CNTNAP5: variants seen among roughly 807,000 people sequenced by gnomAD.
CNTNAP5 encodes contactin associated protein family member 5.
Under a neutral mutation model 150.2 loss-of-function variants are expected in CNTNAP5, and 72 were observed. That is an observed-to-expected ratio of 0.48 (90% CI 0.40 to 0.58). The LOEUF is 0.58. Ranked by LOEUF, CNTNAP5 falls within the 20% of genes least tolerant of loss-of-function variation. The pLI is 0.00. For missense variants in CNTNAP5, 1,636 were observed against 1,626.2 expected (o/e 1.01, Z -0.10); for synonymous variants, 672 against 619.8 (o/e 1.08, Z -1.25).
intron 21 of CNTNAP5, among the ~76,000 whole-genome samples, chr2:124,873,696 A>G (rs1677796691): frequency 6.6e-6 from 1 of 152,118 alleles, no homozygotes; most frequent in African/African-American, 2.4e-5. Flanking sequence ...AAACAGGAAG[A>G]GATGGTATTA....
At chr2:124,247,179 C>T (rs1687051932) in intron 3 of CNTNAP5, among the ~76,000 whole-genome samples, 1 of 152,178 alleles carries the variant, frequency 6.6e-6, no homozygotes, top group Admixed American at 6.6e-5. Context: ...GGGCCTAGAA[C>T]ATCCTGAGTA....
chr2:124,173,742 T>C (rs907278055), intron 1 of CNTNAP5, among the ~76,000 whole-genome samples: 1 of 152,184 alleles, frequency 6.6e-6, no homozygotes, highest in African/African-American at 2.4e-5. Flanking sequence ...TTGCAGGGAA[T>C]TATCCAGAAG....
At chr2:124,027,889 G>C (rs1368390580) in intron 1 of CNTNAP5, among the ~76,000 whole-genome samples, 1 of 152,096 alleles carries the variant, frequency 6.6e-6, no homozygotes, top group African/African-American at 2.4e-5. Context: ...ATATATTTTG[G>C]TGTCTTCATA....
chr2:124,121,568 T>C (rs772406784), intron 1 of CNTNAP5, among the ~76,000 whole-genome samples: 7 of 152,176 alleles, frequency 4.6e-5, no homozygotes, highest in Admixed American at 2.0e-4. Flanking sequence ...TTTATCATCA[T>C]TGGGGAGAGA....
At chr2:124,874,501 ACT>A (rs1677814126) in intron 21 of CNTNAP5, among the ~76,000 whole-genome samples, 1 of 151,856 alleles carries the variant, frequency 6.6e-6, no homozygotes, top group Admixed American at 6.6e-5. Context: ...TCTGAAAGAA[ACT>A]CTGCCTTTTT....
rs1688029005 is a variant in CNTNAP5 at position 124,282,102 on chromosome 2, ACATAGGTAGAGATCC to A, written c.381+39712_381+39726del. Among the ~76,000 whole-genome samples, 7 of 151,964 alleles carry A rather than the reference ACATAGGTAGAGATCC, an allele frequency of 4.6e-5. No homozygotes were observed. The South Asian group carries it at 1.0e-3, about 23-fold the overall frequency. ...AGACTAGAGCTGCTAAAAAGTTTAG[ACATAGGTAGAGATCC>A]CAACAAGCATAGGCACCCAAAAAGG... On this transcript the variant is annotated intron_variant, in intron 3 of 23. Transcript: ENST00000682447.
intron 13 of CNTNAP5, among the ~76,000 whole-genome samples, chr2:124,674,297 T>G (rs1454159308): frequency 6.6e-6 from 1 of 152,056 alleles, no homozygotes; most frequent in Non-Finnish European, 1.5e-5. Context: ...TTTTTAAGGC[T>G]AAAGGTAAGG....
intron 3 of CNTNAP5, among the ~76,000 whole-genome samples, chr2:124,249,594 C>T (rs1218632030): frequency 2.0e-5 from 3 of 152,152 alleles, no homozygotes; most frequent in Non-Finnish European, 2.9e-5. Flanking sequence ...TGGGTTGTCC[C>T]GCCTTTATGA....
chr2:124,337,060 G>T (rs549185907), intron 3 of CNTNAP5, among the ~76,000 whole-genome samples: 62 of 152,056 alleles, frequency 4.1e-4, no homozygotes, highest in African/African-American at 9.6e-4. Flanking sequence ...TTTTAATGAT[G>T]GCCATTTTAA....
chr2:124,707,598 C>G (rs1679718570), intron 13 of CNTNAP5, among the ~76,000 whole-genome samples: 2 of 150,662 alleles, frequency 1.3e-5, no homozygotes, highest in African/African-American at 4.8e-5. Context: ...ACAAAATAAT[C>G]ACATTCCTCG....
At chr2:124,586,260 C>T (rs1403972689) in intron 11 of CNTNAP5, among the ~76,000 whole-genome samples, 1 of 152,172 alleles carries the variant, frequency 6.6e-6, no homozygotes. Flanking sequence ...ACTCAACTGG[C>T]AATTTGTACT....
chr2:124,061,448 G>A (rs1682008239), intron 1 of CNTNAP5, among the ~76,000 whole-genome samples: 1 of 152,120 alleles, frequency 6.6e-6, no homozygotes, highest in South Asian at 2.1e-4. Flanking sequence ...ATGAGAAAAG[G>A]AAAATGTGAA....
chr2:124,057,882 C>T (rs1166022017), intron 1 of CNTNAP5, among the ~76,000 whole-genome samples: 1 of 152,022 alleles, frequency 6.6e-6, no homozygotes. Flanking sequence ...CCCATTACCC[C>T]ATTCACCCTG....
chr2:124,765,474 AATT>A (rs1392439264), intron 16 of CNTNAP5, among the ~76,000 whole-genome samples: 3 of 20,936 alleles, frequency 1.4e-4, no homozygotes, highest in Non-Finnish European at 2.4e-4. Flanking sequence ...AAAAATAAAC[AATT>A]AGATTTGAGT....
At chr2:124,169,072 T>C (rs1684871664) in intron 1 of CNTNAP5, among the ~76,000 whole-genome samples, 2 of 151,528 alleles carry the variant, frequency 1.3e-5, no homozygotes, top group South Asian at 4.2e-4. Flanking sequence ...CCATGTTTTG[T>C]TTCTTGATGC....
At chr2:124,087,787 A>G (rs1239974175) in intron 1 of CNTNAP5, among the ~76,000 whole-genome samples, 1 of 149,522 alleles carries the variant, frequency 6.7e-6, no homozygotes, top group Non-Finnish European at 1.5e-5. Context: ...TCTGAACTCC[A>G]TGGTTTCTGA....
At chr2:124,513,388 A>G (rs1209212331) in intron 8 of CNTNAP5, among the ~76,000 whole-genome samples, 1 of 152,178 alleles carries the variant, frequency 6.6e-6, no homozygotes, top group African/African-American at 2.4e-5. Context: ...AGGTGTTGGG[A>G]CTTTAACATA....
chr2:124,474,973 T>G, intron 7 of CNTNAP5, 91 bp downstream of exon 7: 2 of 1,091,754 alleles, frequency 1.8e-6, no homozygotes, highest in South Asian at 3.2e-5. Flanking sequence ...CCATTCGTAA[T>G]GTGTTTATCT....
chr2:124,633,481 G>A (rs575579196), intron 12 of CNTNAP5, among the ~76,000 whole-genome samples: 10 of 152,336 alleles, frequency 6.6e-5, no homozygotes, highest in Non-Finnish European at 1.0e-4. Flanking sequence ...CAAGGGGCTA[G>A]CTCCCAAGGC....
Sources: gnomAD v4.1 joint callset for allele counts (sites outside exome capture counted in the v4.1 genomes callset) on GRCh38, gnomAD v4.1.1 for gene constraint, MANE v1.5 for transcripts, NCBI Gene and HGNC (gene_info 2026-07-23, HGNC 2026-07-21) for gene names.